SLC44A1: variants seen among roughly 807,000 people sequenced by gnomAD.
SLC44A1 encodes the protein choline transporter-like protein 1.
Under a neutral mutation model 79.3 loss-of-function variants are expected in SLC44A1, and 26 were observed. The ratio of observed to expected loss-of-function variants is 0.33; its 90% CI spans 0.24 to 0.46. SLC44A1 has a LOEUF of 0.46. SLC44A1 is among the 20% of genes least tolerant of loss of function. The probability of loss-of-function intolerance (pLI) is 1.00; values close to 1 mark genes in which losing one functional copy is unlikely to be tolerated. For synonymous variants in SLC44A1, 263 were observed against 286.2 expected, an observed-to-expected ratio of 0.92 and a Z score of 0.82; for missense variants, 688 against 798.1, an observed-to-expected ratio of 0.86 and a Z score of 1.66.
At chr9:105,278,584 T>C (rs1489522682) in intron 1 of SLC44A1, among the ~76,000 whole-genome samples, 2 of 152,096 alleles carry the variant, frequency 1.3e-5, no homozygotes, top group African/African-American at 2.4e-5. Context: ...TTTCACTATG[T>C]TGGCCAGGCT....
At chr9:105,433,655 A>T (rs935148454) in intron 15 of SLC44A1, among the ~76,000 whole-genome samples, 1 of 150,688 alleles carries the variant, frequency 6.6e-6, no homozygotes, top group Non-Finnish European at 1.5e-5. Context: ...CCACTGCCCA[A>T]CCCATCTCCT....
chr9:105,271,332 G>C (rs2131230663), intron 1 of SLC44A1, among the ~76,000 whole-genome samples: 1 of 152,278 alleles, frequency 6.6e-6, no homozygotes, highest in Admixed American at 6.5e-5. Flanking sequence ...CTCTGGTACA[G>C]AATCTTTCAT....
At chr9:105,281,219 G>A (rs1389955881) in intron 1 of SLC44A1, among the ~76,000 whole-genome samples, 1 of 152,212 alleles carries the variant, frequency 6.6e-6, no homozygotes, top group Non-Finnish European at 1.5e-5. Context: ...GTCATACAAT[G>A]ACTGAAGATT....
chr9:105,412,526 G>A (rs1211142541), intron 15 of SLC44A1, among the ~76,000 whole-genome samples: 2 of 152,130 alleles, frequency 1.3e-5, no homozygotes, highest in East Asian at 1.9e-4. Context: ...CCAAGGTCTG[G>A]GCACAATATG....
chr9:105,415,442 C>T (rs1053024073), intron 15 of SLC44A1, among the ~76,000 whole-genome samples: 8 of 152,226 alleles, frequency 5.3e-5, no homozygotes, highest in African/African-American at 1.9e-4. Context: ...ACTTTGCTAA[C>T]TATGGACACG....
chr9:105,376,177 T>A (rs893358199), intron 13 of SLC44A1, among the ~76,000 whole-genome samples: 1 of 152,158 alleles, frequency 6.6e-6, no homozygotes, highest in African/African-American at 2.4e-5. Flanking sequence ...TAGCATTGTG[T>A]GTGATGAAGT....
At chr9:105,298,744 C>T (rs1340112178) in intron 1 of SLC44A1, among the ~76,000 whole-genome samples, 3 of 152,044 alleles carry the variant, frequency 2.0e-5, no homozygotes, top group Non-Finnish European at 4.4e-5. Flanking sequence ...AGCATCTGGA[C>T]ACACAAAGAA....
At chr9:105,292,105 G>A (rs370419405) in intron 1 of SLC44A1, among the ~76,000 whole-genome samples, 9 of 152,100 alleles carry the variant, frequency 5.9e-5, no homozygotes, top group Non-Finnish European at 1.2e-4. Context: ...ACCAGCCTCC[G>A]AGGCTGCTAT....
intron 2 of SLC44A1, among the ~76,000 whole-genome samples, chr9:105,302,765 C>T (rs1830914292): frequency 2.0e-5 from 3 of 151,812 alleles, no homozygotes; most frequent in Admixed American, 2.0e-4. Flanking sequence ...AGTTGAGACC[C>T]ACTATTATAG....
intron 2 of SLC44A1, chr9:105,299,901 G>A (rs1458930842): frequency 1.0e-6 from 1 of 985,592 alleles, no homozygotes. Context: ...TTTTCCAGTG[G>A]GTATAGAGAA....
intron 1 of SLC44A1, among the ~76,000 whole-genome samples, chr9:105,252,499 TC>T (rs1346522855): frequency 6.6e-6 from 1 of 152,202 alleles, no homozygotes; most frequent in Non-Finnish European, 1.5e-5. Context: ...TGTTCAGGGC[TC>T]TCTTAAGCAG....
chr9:105,418,544 T>C (rs1829204899), intron 15 of SLC44A1, among the ~76,000 whole-genome samples: 2 of 152,174 alleles, frequency 1.3e-5, no homozygotes, highest in African/African-American at 2.4e-5. Context: ...TGTAAAGATT[T>C]TGAGCTGTTT....
chr9:105,357,882 C>T (rs1439449388), intron 6 of SLC44A1, among the ~76,000 whole-genome samples: 1 of 152,182 alleles, frequency 6.6e-6, no homozygotes, highest in Non-Finnish European at 1.5e-5. Context: ...GACTGACTGT[C>T]AGAGAAGTTA....
intron 1 of SLC44A1, among the ~76,000 whole-genome samples, chr9:105,272,809 C>T (rs1298740555): frequency 1.3e-5 from 2 of 152,104 alleles, no homozygotes; most frequent in African/African-American, 4.8e-5. Context: ...GAAAGTAGGT[C>T]TCCTCATCTG....
chr9:105,258,271 C>G (rs184191729), intron 1 of SLC44A1, among the ~76,000 whole-genome samples: 47 of 152,262 alleles, frequency 3.1e-4, no homozygotes, highest in African/African-American at 1.1e-3. Flanking sequence ...ATATTAATAC[C>G]TCCAGGCGGT....
chr9:105,306,963 A>G (rs1210988839), intron 2 of SLC44A1, among the ~76,000 whole-genome samples: 2 of 152,190 alleles, frequency 1.3e-5, no homozygotes, highest in South Asian at 2.1e-4. Context: ...TAACGAAATT[A>G]CTGGCATTCT....
At chr9:105,351,580 GA>G (rs1306509746) in intron 5 of SLC44A1, among the ~76,000 whole-genome samples, 4 of 124,894 alleles carry the variant, frequency 3.2e-5, no homozygotes, top group African/African-American at 1.4e-4. Context: ...AAGAGAGAAA[GA>G]GAGAAAGAGA....
chr9:105,251,420 C>T (rs1218370644), intron 1 of SLC44A1, among the ~76,000 whole-genome samples: 1 of 152,148 alleles, frequency 6.6e-6, no homozygotes, highest in Non-Finnish European at 1.5e-5. Flanking sequence ...CAGATCTCTC[C>T]GTAACTGTTC....
intron 8 of SLC44A1, among the ~76,000 whole-genome samples, chr9:105,361,763 A>G (rs1827787344): frequency 6.6e-6 from 1 of 152,216 alleles, no homozygotes; most frequent in South Asian, 2.1e-4. Context: ...TTTCAAAAAT[A>G]TAGGTGTGGT....
Sources: allele counts gnomAD v4.1 joint callset (sites outside exome capture counted in the v4.1 genomes callset), GRCh38; gene constraint gnomAD v4.1.1; transcripts MANE v1.5; gene names NCBI Gene and HGNC (gene_info 2026-07-23, HGNC 2026-07-21).